VRK2: variants seen among roughly 807,000 people sequenced by gnomAD.
The protein encoded by VRK2 is VRK serine/threonine kinase 2.
In VRK2, 60 loss-of-function variants were observed where a neutral mutation model predicts 57.6. That is an observed-to-expected ratio of 1.04 (90% CI 0.85 to 1.29). The LOEUF is 1.29. VRK2 is among the 50% of genes most tolerant of loss of function. VRK2 has a pLI of 0.00. For synonymous variants in VRK2, 231 were observed against 199.2 expected, an observed-to-expected ratio of 1.16 and a Z score of -1.35; for missense variants, 705 against 588.1, an observed-to-expected ratio of 1.20 and a Z score of -2.06.
At chr2:58,037,715 A>G (rs927361166) in intron 3 of VRK2, among the ~76,000 whole-genome samples, 3 of 152,124 alleles carry the variant, frequency 2.0e-5, no homozygotes, top group African/African-American at 4.8e-5. Context: ...AAACCTTACA[A>G]TACTCCTGCA....
intron 1 of VRK2, among the ~76,000 whole-genome samples, chr2:57,926,856 T>G (rs1304818630): frequency 6.6e-6 from 1 of 152,056 alleles, no homozygotes; most frequent in Non-Finnish European, 1.5e-5. Flanking sequence ...TTTTTTATAT[T>G]CAATGTTCTT....
At chr2:58,076,790 T>C (rs1162017852) in intron 2 of VRK2, among the ~76,000 whole-genome samples, 3 of 151,986 alleles carry the variant, frequency 2.0e-5, no homozygotes, top group Non-Finnish European at 4.4e-5. Flanking sequence ...GTTACCTTTT[T>C]AAAGAGAAAT....
At chr2:58,061,616 T>C (rs1677354247) in intron 2 of VRK2, among the ~76,000 whole-genome samples, 1 of 152,024 alleles carries the variant, frequency 6.6e-6, no homozygotes, top group South Asian at 2.1e-4. Context: ...TCTGTTGTTA[T>C]TTTATATTCC....
At chr2:58,104,235 T>G (rs1674423143) in intron 7 of VRK2, among the ~76,000 whole-genome samples, 1 of 151,778 alleles carries the variant, frequency 6.6e-6, no homozygotes, top group Admixed American at 6.6e-5. Flanking sequence ...GAGAAAGAAA[T>G]GAAATACATC....
rs183559354 is a variant in VRK2 at position 57,960,901 on chromosome 2, C to A, written c.-439+53062C>A. ...CCTCCATTATCACCAGTCTCTCTTC[C>A]GAGAGGAGCAACATGTAACCATTTC... On this transcript the variant is annotated intron_variant, in intron 1 of 15. Coordinates refer to the VRK2 transcript ENST00000417641. Among the ~76,000 whole-genome samples, 6 of 152,174 alleles carry A rather than the reference C, an allele frequency of 3.9e-5. 1 individual carries two copies. The highest frequency in any genetic ancestry group is 1.5e-5 in the Non-Finnish European group (1 of 68,012).
chr2:58,036,622 CA>C (rs544707322), intron 3 of VRK2, among the ~76,000 whole-genome samples: 11 of 151,098 alleles, frequency 7.3e-5, no homozygotes, highest in Non-Finnish European at 1.2e-4. Flanking sequence ...TATGTAAAAC[CA>C]AAAAAAATGT....
intron 2 of VRK2, among the ~76,000 whole-genome samples, chr2:58,074,610 C>T: frequency 6.6e-6 from 1 of 152,102 alleles, no homozygotes; most frequent in Non-Finnish European, 1.5e-5. Flanking sequence ...TTCACTTATT[C>T]ATAAGCTATA....
At chr2:57,919,053 A>G (rs1019563136) in intron 1 of VRK2, among the ~76,000 whole-genome samples, 1 of 152,130 alleles carries the variant, frequency 6.6e-6, no homozygotes, top group African/African-American at 2.4e-5. Context: ...CAAAGTATAA[A>G]AATACTTGTC....
At chr2:57,941,674 T>A (rs1278581985) in intron 1 of VRK2, among the ~76,000 whole-genome samples, 1 of 152,208 alleles carries the variant, frequency 6.6e-6, no homozygotes, top group Non-Finnish European at 1.5e-5. Flanking sequence ...CATAAGCTTT[T>A]TTACTAAAGA....
chr2:58,025,367 G>A (rs191142860), intron 1 of VRK2, among the ~76,000 whole-genome samples: 7 of 152,002 alleles, frequency 4.6e-5, no homozygotes, highest in East Asian at 1.9e-4. Context: ...CTATTGCTAT[G>A]ACTGAGAAAG....
At chr2:58,101,036 C>G (rs1159097392) in intron 7 of VRK2, among the ~76,000 whole-genome samples, 2 of 151,626 alleles carry the variant, frequency 1.3e-5, no homozygotes, top group Non-Finnish European at 3.0e-5. Flanking sequence ...TGATAGCTAT[C>G]TGAATATGGG....
chr2:58,095,520 A>G (rs957095124), intron 7 of VRK2, among the ~76,000 whole-genome samples: 1 of 151,998 alleles, frequency 6.6e-6, no homozygotes, highest in Admixed American at 6.6e-5. Flanking sequence ...AAAATATTAT[A>G]CCTTTTTGTT....
At chr2:58,046,778 C>T, upstream of VRK2, 1 of 985,526 alleles carries the variant, frequency 1.0e-6, no homozygotes, top group Non-Finnish European at 1.2e-6. Context: ...CCCGCCTCCC[C>T]GCGGGACTGT....
rs781257747 is a variant in VRK2, at chr2:58,159,789, T to A, written c.*96T>A. On this transcript the variant is annotated 3_prime_UTR_variant, in exon 13 of 13. Coordinates refer to ENST00000340157, the MANE Select transcript of VRK2 (RefSeq NM_006296.7). ...TTCAGTGTTTCCTTCCAGACATTTTTAAGGTAATTGGCTTTAAAAAGAGAA... is the reference window on the plus strand; with the variant it reads ...TTCAGTGTTTCCTTCCAGACATTTTAAAGGTAATTGGCTTTAAAAAGAGAA... 5 of 1,612,964 alleles carry A rather than the reference T, an allele frequency of 3.1e-6. No homozygotes were observed. The highest frequency in any genetic ancestry group is 4.2e-6 in the Non-Finnish European group (5 of 1,179,438).
chr2:58,108,602 T>A (rs1012796257), intron 7 of VRK2, among the ~76,000 whole-genome samples: 5 of 152,176 alleles, frequency 3.3e-5, no homozygotes, highest in African/African-American at 1.2e-4. Flanking sequence ...TGCCCTCTTG[T>A]ATGTTTCTTC....
chr2:58,139,811 C>G lies in VRK2; in HGVS notation c.1002C>G (p.Val334=), dbSNP rs748721845. ...DFSTKGQSIN[V]HTPNSQKVDS... is the part of the protein sequence containing the mutation. ...CCACAAAAGGACAGAGTATAAATGT[C>G]CATACTCCAAACAGTCAAAAAGTAA... The change falls in exon 11 of 13, where the codon GTC becomes GTG. Residue 334 remains valine, a synonymous_variant. Coordinates refer to ENST00000340157, the MANE Select transcript of VRK2 (RefSeq NM_006296.7). 2 of 1,611,624 alleles carry G rather than the reference C, an allele frequency of 1.2e-6. No individual in the cohort carries two copies. The highest frequency in any genetic ancestry group is 2.2e-5 in the South Asian group (2 of 90,690).
At chr2:58,117,092 C>T (rs532213077) in intron 7 of VRK2, among the ~76,000 whole-genome samples, 2 of 151,872 alleles carry the variant, frequency 1.3e-5, no homozygotes, top group African/African-American at 2.4e-5. Context: ...TATTTAATGT[C>T]GGGAGCAGAT....
At chr2:57,941,405 C>T (rs1671089984) in intron 1 of VRK2, among the ~76,000 whole-genome samples, 1 of 152,060 alleles carries the variant, frequency 6.6e-6, no homozygotes, top group African/African-American at 2.4e-5. Flanking sequence ...ACCATGAGCA[C>T]CCGAAATAGA....
chr2:58,098,004 T>A (rs1673406479), intron 7 of VRK2, among the ~76,000 whole-genome samples: 1 of 152,044 alleles, frequency 6.6e-6, no homozygotes, highest in Admixed American at 6.6e-5. Context: ...TTATTGCCCC[T>A]GAAGACCTTC....
Sources: allele counts gnomAD v4.1 joint callset (sites outside exome capture counted in the v4.1 genomes callset), GRCh38; gene constraint gnomAD v4.1.1; transcripts MANE v1.5; gene names NCBI Gene and HGNC (gene_info 2026-07-23, HGNC 2026-07-21).